DOCK4: variants seen among roughly 807,000 people sequenced by gnomAD.
DOCK4 encodes the protein dedicator of cytokinesis protein 4.
DOCK4 carries 97 observed loss-of-function variants against 268.1 expected under a neutral mutation model. The observed-to-expected ratio is 0.36, with a 90% CI of 0.31 to 0.43. The LOEUF (loss-of-function observed/expected upper bound fraction) is 0.43. Ranked by LOEUF, DOCK4 falls within the 20% of genes least tolerant of loss-of-function variation. The pLI, the probability that DOCK4 is intolerant of heterozygous loss-of-function variation, is 1.00. For synonymous variants in DOCK4, 954 were observed against 887.2 expected, an observed-to-expected ratio of 1.08 and a Z score of -1.34; for missense variants, 2,145 against 2,455.7, an observed-to-expected ratio of 0.87 and a Z score of 2.67.
intron 13 of DOCK4, among the ~76,000 whole-genome samples, chr7:111,908,706 C>G (rs961592759): frequency 1.3e-5 from 2 of 151,952 alleles, no homozygotes; most frequent in African/African-American, 2.4e-5. Context: ...CCTTGCCCCC[C>G]ACCGCCCCCA....
chr7:111,838,382 T>C (rs887361964), intron 25 of DOCK4, among the ~76,000 whole-genome samples: 3 of 151,990 alleles, frequency 2.0e-5, no homozygotes, highest in African/African-American at 7.2e-5. Flanking sequence ...TGGAACACAA[T>C]AGCCAAACCC....
chr7:111,741,007 T>C, intron 47 of DOCK4, 87 bp downstream of exon 47: 1 of 1,526,202 alleles, frequency 6.6e-7, no homozygotes. Flanking sequence ...TGTTGGTCTG[T>C]TCATCAGCAC....
At position 111,924,186 on chromosome 7, in the gene DOCK4, C is replaced by G. The variant is rs186447171; in HGVS notation, c.1067-8282G>C. On this transcript the variant is annotated intron_variant, in intron 12 of 52. Coordinates refer to ENST00000428084, the MANE Select transcript of DOCK4 (RefSeq NM_001363540.2). Reference sequence around the variant, plus strand: ...CCTAAAATTCCAAAAGATCATGATTCTCATTTGTTGCATTTGCTTACTCTG... The same window carrying G: ...CCTAAAATTCCAAAAGATCATGATTGTCATTTGTTGCATTTGCTTACTCTG... 3.1e-4 allele frequency among the ~76,000 whole-genome samples: 47 copies of G among 152,160 alleles called. 1 individual carries two copies. Among genetic ancestry groups the G allele is most frequent in the Non-Finnish European group, 2.9e-5 (2 of 68,000 alleles).
intron 12 of DOCK4, among the ~76,000 whole-genome samples, chr7:111,917,705 T>TAA (rs555037371): frequency 1.8e-4 from 19 of 106,716 alleles, no homozygotes; most frequent in South Asian, 2.9e-4. Flanking sequence ...GACCCCATAA[T>TAA]AAAAAAAAAA....
intron 26 of DOCK4, among the ~76,000 whole-genome samples, chr7:111,824,202 T>C (rs1188061480): frequency 2.0e-5 from 3 of 152,178 alleles, no homozygotes; most frequent in Non-Finnish European, 2.9e-5. Context: ...GAGTAGGTCA[T>C]TAGCTTACTA....
chr7:111,858,505 C>T (rs1435317846), intron 23 of DOCK4, among the ~76,000 whole-genome samples: 1 of 152,178 alleles, frequency 6.6e-6, no homozygotes, highest in African/African-American at 2.4e-5. Flanking sequence ...CTGTTGAAGG[C>T]CTGAATAGAA....
At chr7:112,052,327 T>G (rs1286559839) in intron 1 of DOCK4, among the ~76,000 whole-genome samples, 1 of 152,182 alleles carries the variant, frequency 6.6e-6, no homozygotes, top group Non-Finnish European at 1.5e-5. Flanking sequence ...CATATACCTA[T>G]ATATTTTAAA....
At chr7:111,933,931 G>T (rs1794478565) in intron 12 of DOCK4, among the ~76,000 whole-genome samples, 1 of 152,180 alleles carries the variant, frequency 6.6e-6, no homozygotes, top group Admixed American at 6.5e-5. Context: ...GTCTACAGTG[G>T]TTTTCTCTTT....
intron 1 of DOCK4, among the ~76,000 whole-genome samples, chr7:112,181,253 C>T (rs1819003183): frequency 6.6e-6 from 1 of 152,002 alleles, no homozygotes; most frequent in Non-Finnish European, 1.5e-5. Flanking sequence ...CCAGAAATTC[C>T]ACACTGAAGT....
intron 26 of DOCK4, among the ~76,000 whole-genome samples, chr7:111,827,922 G>A (rs1377272775): frequency 1.3e-5 from 2 of 152,162 alleles, no homozygotes; most frequent in Non-Finnish European, 2.9e-5. Flanking sequence ...GTATATAGGA[G>A]ACAATGCAGT....
intron 27 of DOCK4, among the ~76,000 whole-genome samples, chr7:111,812,862 G>A (rs1263487355): frequency 6.6e-6 from 1 of 152,158 alleles, no homozygotes; most frequent in Non-Finnish European, 1.5e-5. Flanking sequence ...CAGAGAAAGG[G>A]TCATCTCCAG....
rs1167679385 is a variant in DOCK4 at position 111,847,347 on chromosome 7, A to AGG, written c.2474-222_2474-221insCC. On this transcript the variant is annotated intron_variant, in intron 23 of 52. Coordinates refer to ENST00000428084, the MANE Select transcript of DOCK4 (RefSeq NM_001363540.2). ...CCTTTGACACTTTTAGGTGAAATAG[A>AGG]TATCTTTCTAAAATTATTTGTTTTA... Among the ~76,000 whole-genome samples the AGG allele has an allele frequency of 3.9e-5, 6 of 152,336 alleles. No individual in the cohort carries two copies. In the East Asian group the frequency reaches 9.6e-4, roughly 24 times the overall value.
At chr7:111,926,592 G>A (rs1793707087) in intron 12 of DOCK4, among the ~76,000 whole-genome samples, 2 of 147,582 alleles carry the variant, frequency 1.4e-5, no homozygotes, top group Admixed American at 1.4e-4. Flanking sequence ...GGCGGGCAAG[G>A]TGGGCAGATC....
chr7:111,875,939 A>C (rs1022928160), intron 17 of DOCK4, among the ~76,000 whole-genome samples: 1 of 152,238 alleles, frequency 6.6e-6, no homozygotes, highest in African/African-American at 2.4e-5. Context: ...TCAGTTAAAC[A>C]TGAATGCAAA....
In DOCK4 at chr7:112,125,184, G is replaced by A. The variant is rs139335717; in HGVS notation, c.37+80918C>T. On this transcript the variant is annotated intron_variant, in intron 1 of 52. Transcript: ENST00000428084. ...ATCCACTATTTTCTATAATATCTTT[G>A]TGAATTAAATTACAGTGTGTCGGGA... is the stretch of plus-strand genomic sequence containing the variant. 3.0e-3 allele frequency among the ~76,000 whole-genome samples: 454 copies of A among 152,206 alleles called. 1 individual carries two copies. The highest frequency in any genetic ancestry group is 0.01 in the African/African-American group (420 of 41,520).
rs961318381 is a variant in DOCK4 at position 111,747,249 on chromosome 7, A to G, written c.4593+18T>C. ...ACAATTGAAAACTTTCTCTGAAACA[A>G]CAATACCTAATCCTTACCTCTTGAT... On this transcript the variant is annotated intron_variant, in intron 43 of 52. Transcript: ENST00000428084. The G allele has an allele frequency of 1.2e-5, 19 of 1,599,146 alleles. No homozygotes were observed. The East Asian group carries it at 4.3e-4, about 36-fold the overall frequency.
chr7:111,733,321 G>C (rs1343230247), intron 51 of DOCK4, among the ~76,000 whole-genome samples: 3 of 152,192 alleles, frequency 2.0e-5, no homozygotes, highest in Non-Finnish European at 2.9e-5. Flanking sequence ...AACTTGGGAG[G>C]GGTAAGGTCA....
intron 30 of DOCK4, among the ~76,000 whole-genome samples, chr7:111,797,603 C>T (rs1317740657): frequency 6.6e-6 from 1 of 152,072 alleles, no homozygotes; most frequent in Non-Finnish European, 1.5e-5. Context: ...ATAGTAGAAA[C>T]ACCATTCCCA....
intron 44 of DOCK4, among the ~76,000 whole-genome samples, chr7:111,744,154 G>T (rs1164317709): frequency 1.3e-5 from 2 of 152,168 alleles, no homozygotes; most frequent in Non-Finnish European, 2.9e-5. Flanking sequence ...CTCAGTATGG[G>T]ATGTGCACCA....
Sources: gnomAD v4.1 joint callset for allele counts (sites outside exome capture counted in the v4.1 genomes callset) on GRCh38, gnomAD v4.1.1 for gene constraint, MANE v1.5 for transcripts, NCBI Gene and HGNC (gene_info 2026-07-23, HGNC 2026-07-21) for gene names.